Variants in HS3ST4 observed in about 807,000 individuals in gnomAD.
HS3ST4 encodes heparan sulfate-glucosamine 3-sulfotransferase 4.
Under a neutral mutation model 29.2 loss-of-function variants are expected in HS3ST4, and 17 were observed. That is an observed-to-expected ratio of 0.58 (90% CI 0.40 to 0.87). HS3ST4 has a LOEUF of 0.87. Among genes scored for constraint, HS3ST4 ranks in the 40% least tolerant of loss-of-function variants. The probability of loss-of-function intolerance (pLI) is 0.00; values close to 1 mark genes in which losing one functional copy is unlikely to be tolerated. For synonymous variants in HS3ST4, 314 were observed against 285.7 expected (o/e 1.10, Z -1.00); for missense variants, 627 against 634.5 (o/e 0.99, Z 0.13).
At chr16:26,000,492 A>G (rs541806829) in intron 1 of HS3ST4, among the ~76,000 whole-genome samples, 1 of 152,316 alleles carries the variant, frequency 6.6e-6, no homozygotes, top group African/African-American at 2.4e-5. Flanking sequence ...TTCTGTGACT[A>G]AGGAGACAAA....
At chr16:26,111,124 G>A (rs577434828) in intron 1 of HS3ST4, among the ~76,000 whole-genome samples, 1 of 152,102 alleles carries the variant, frequency 6.6e-6, no homozygotes, top group Non-Finnish European at 1.5e-5. Context: ...ATGCTGTTGT[G>A]CGATCATGGC....
At chr16:25,905,541 T>G (rs1458718584) in intron 1 of HS3ST4, among the ~76,000 whole-genome samples, 1 of 152,140 alleles carries the variant, frequency 6.6e-6, no homozygotes, top group Non-Finnish European at 1.5e-5. Context: ...CACCTGAGAC[T>G]TCCTGGATCT....
chr16:25,937,240 G>T (rs1011034450), intron 1 of HS3ST4, among the ~76,000 whole-genome samples: 1 of 152,014 alleles, frequency 6.6e-6, no homozygotes. Context: ...GTTAATGGAG[G>T]GTAAGAATGG....
At chr16:26,089,931 A>C (rs1047663835) in intron 1 of HS3ST4, among the ~76,000 whole-genome samples, 2 of 152,196 alleles carry the variant, frequency 1.3e-5, no homozygotes, top group African/African-American at 4.8e-5. Context: ...TGTGAACTGC[A>C]TGAGAAAGTG....
intron 1 of HS3ST4, among the ~76,000 whole-genome samples, chr16:25,922,135 C>G (rs143660925): frequency 1.3e-5 from 2 of 152,158 alleles, no homozygotes; most frequent in African/African-American, 4.8e-5. Flanking sequence ...ACTGCCTTCT[C>G]TGTTTGTGTC....
intron 1 of HS3ST4, among the ~76,000 whole-genome samples, chr16:25,877,231 C>T (rs1427512302): frequency 1.3e-5 from 2 of 152,098 alleles, no homozygotes; most frequent in African/African-American, 4.8e-5. Flanking sequence ...CATGTCTACC[C>T]AGAATCTGTG....
intron 1 of HS3ST4, among the ~76,000 whole-genome samples, chr16:25,811,844 T>C (rs1370681592): frequency 6.6e-6 from 1 of 152,214 alleles, no homozygotes; most frequent in Non-Finnish European, 1.5e-5. Context: ...TTCCAGTCAA[T>C]GATAGAGTAT....
chr16:25,778,325 A>G (rs1005142461), intron 1 of HS3ST4, among the ~76,000 whole-genome samples: 8 of 152,090 alleles, frequency 5.3e-5, no homozygotes, highest in Non-Finnish European at 1.0e-4. Context: ...GTTTGCAACA[A>G]TCCAGTGCCT....
At position 26,123,681 on chromosome 16, in the gene HS3ST4, C is replaced by T. The variant is rs141455878; in HGVS notation, c.735-11931C>T. Among the ~76,000 whole-genome samples, 46 of 152,182 alleles carry T rather than the reference C, an allele frequency of 3.0e-4. No individual in the cohort carries two copies. The East Asian group carries it at 8.9e-3, about 29-fold the overall frequency. On this transcript the variant is annotated intron_variant, in intron 1 of 1. Transcript: ENST00000331351. ...CCTCACTCCCCTGTCCAAGCCTTCC[C>T]CCAAAGTCCCCAAAGTCCATTATTC...
chr16:26,115,053 T>G lies in HS3ST4; in HGVS notation c.735-20559T>G, dbSNP rs1490416859. ...TAAAACATTCATTTTAAAAGTGATATGTACCCTGATATGCAAAGATCTCAA... is the reference window on the plus strand; with the variant it reads ...TAAAACATTCATTTTAAAAGTGATAGGTACCCTGATATGCAAAGATCTCAA... On this transcript the variant is annotated intron_variant, in intron 1 of 1. Coordinates refer to ENST00000331351, the MANE Select transcript of HS3ST4 (RefSeq NM_006040.3). Among the ~76,000 whole-genome samples the G allele has an allele frequency of 2.0e-5, 3 of 152,232 alleles. No homozygotes were observed. In the East Asian group the frequency reaches 5.8e-4, roughly 29 times the overall value.
At chr16:26,041,346 T>C (rs1969634560) in intron 1 of HS3ST4, among the ~76,000 whole-genome samples, 1 of 151,542 alleles carries the variant, frequency 6.6e-6, no homozygotes, top group African/African-American at 2.4e-5. Flanking sequence ...TCTTTAAAAA[T>C]AATAATAATG....
chr16:25,972,121 G>A (rs1017866116), intron 1 of HS3ST4, among the ~76,000 whole-genome samples: 1 of 152,146 alleles, frequency 6.6e-6, no homozygotes, highest in Non-Finnish European at 1.5e-5. Flanking sequence ...ATAACAGGTG[G>A]CTTTATTAGT....
intron 1 of HS3ST4, among the ~76,000 whole-genome samples, chr16:25,863,471 C>T (rs1487960050): frequency 1.3e-5 from 2 of 152,158 alleles, no homozygotes; most frequent in Non-Finnish European, 2.9e-5. Flanking sequence ...TAAGTGTGAT[C>T]ACATTTACTA....
chr16:26,019,002 A>G (rs1241791341), intron 1 of HS3ST4, among the ~76,000 whole-genome samples: 3 of 152,094 alleles, frequency 2.0e-5, no homozygotes, highest in African/African-American at 7.2e-5. Flanking sequence ...TGACTTTGCA[A>G]TCCCTGCTCT....
At chr16:26,060,264 A>T (rs1452292760) in intron 1 of HS3ST4, among the ~76,000 whole-genome samples, 1 of 152,142 alleles carries the variant, frequency 6.6e-6, no homozygotes, top group Non-Finnish European at 1.5e-5. Context: ...CAGTCATTTG[A>T]GCTTGACCTA....
At chr16:25,793,252 A>G (rs932832502) in intron 1 of HS3ST4, among the ~76,000 whole-genome samples, 4 of 152,074 alleles carry the variant, frequency 2.6e-5, no homozygotes, top group East Asian at 1.9e-4. Context: ...TGTTTATTAA[A>G]TTATTGTTAA....
chr16:26,021,745 C>T (rs982067245), intron 1 of HS3ST4, among the ~76,000 whole-genome samples: 4 of 152,032 alleles, frequency 2.6e-5, no homozygotes. Context: ...CTCACTGCAA[C>T]CTCCGCCTCC....
chr16:26,011,676 TTGTG>T (rs375796518), intron 1 of HS3ST4, among the ~76,000 whole-genome samples: 97 of 133,434 alleles, frequency 7.3e-4, no homozygotes, highest in African/African-American at 1.9e-3. Context: ...AGGTATATGT[TTGTG>T]TGTGTGTGTG....
intron 1 of HS3ST4, among the ~76,000 whole-genome samples, chr16:25,945,086 A>G (rs1042819141): frequency 1.3e-5 from 2 of 152,078 alleles, no homozygotes; most frequent in Non-Finnish European, 2.9e-5. Context: ...TCCAGTTCCC[A>G]CTCCATCCCC....
Sources: gnomAD v4.1 joint callset for allele counts (sites outside exome capture counted in the v4.1 genomes callset) on GRCh38, gnomAD v4.1.1 for gene constraint, MANE v1.5 for transcripts, NCBI Gene and HGNC (gene_info 2026-07-23, HGNC 2026-07-21) for gene names.